The following PLEKHF2 variants were observed in gnomAD, a reference collection of about 807,000 sequenced individuals.
The protein encoded by PLEKHF2 is pleckstrin homology and FYVE domain containing 2.
Under a neutral mutation model 14.7 loss-of-function variants are expected in PLEKHF2, and 4 were observed. The ratio of observed to expected loss-of-function variants is 0.27; its 90% CI spans 0.13 to 0.62. The LOEUF is 0.62. PLEKHF2 is among the 20% of genes least tolerant of loss of function. PLEKHF2 has a pLI of 0.85. For synonymous variants in PLEKHF2, 90 were observed against 103.5 expected (o/e 0.87, Z 0.79); for missense variants, 201 against 307.7 (o/e 0.65, Z 2.60).
chr8:95,139,208 A>G (rs1456121315), intron 1 of PLEKHF2, among the ~76,000 whole-genome samples: 1 of 152,118 alleles, frequency 6.6e-6, no homozygotes, highest in African/African-American at 2.4e-5. Context: ...AGCCCTTTGC[A>G]TATTACAAAT....
In PLEKHF2 at chr8:95,140,749, C is replaced by T. The variant is rs1307862956; in HGVS notation, c.-15+6719C>T. Among the ~76,000 whole-genome samples, 4 of 152,300 alleles carry T rather than the reference C, an allele frequency of 2.6e-5. No homozygotes were observed. In the East Asian group the frequency reaches 7.7e-4, roughly 29 times the overall value. ...TAGATGTTCTACCTGGTCAAAATTACATCCCACCTCAACTCCTTGGCCCTG... is the reference window on the plus strand; with the variant it reads ...TAGATGTTCTACCTGGTCAAAATTATATCCCACCTCAACTCCTTGGCCCTG... On this transcript the variant is annotated intron_variant, in intron 1 of 1. Transcript: ENST00000315367.
At position 95,154,339 on chromosome 8, in the gene PLEKHF2, G is replaced by A. The variant is rs755249384; in HGVS notation, c.295G>A (p.Gly99Arg). 6.2e-7 allele frequency: 1 copy of A among 1,614,042 alleles called. No homozygotes were observed. Among genetic ancestry groups the A allele is most frequent in the South Asian group, 1.1e-5 (1 of 91,078 alleles). ...SIKDEGDLRN[G>R]WLIKTPTKSF... ...CAAAGATGAGGGAGACTTAAGGAAT[G>A]GATGGCTAATCAAGACACCAACTAA... The change falls in exon 2 of 2, where the codon GGA (glycine) becomes AGA (arginine). Residue 99 changes from glycine to arginine, a missense_variant. Transcript: ENST00000315367. The surrounding 1 kb of genome is among the most constrained non-coding windows in gnomAD (Gnocchi z 5.6).
chr8:95,153,346 G>C (rs755006358), intron 1 of PLEKHF2, among the ~76,000 whole-genome samples: 3 of 152,190 alleles, frequency 2.0e-5, no homozygotes, highest in Non-Finnish European at 4.4e-5. Context: ...ACTACAAGTA[G>C]TAGAGTGTTC....
intron 1 of PLEKHF2, among the ~76,000 whole-genome samples, chr8:95,134,689 T>C (rs1587301197): frequency 6.6e-6 from 1 of 152,330 alleles, no homozygotes; most frequent in East Asian, 1.9e-4. Context: ...CCGGTGTTGC[T>C]TGAATAGCCT....
intron 1 of PLEKHF2, among the ~76,000 whole-genome samples, chr8:95,144,449 T>C (rs1303616219): frequency 6.6e-6 from 1 of 152,250 alleles, no homozygotes; most frequent in African/African-American, 2.4e-5. Flanking sequence ...TTACCATAGA[T>C]ATGTAATTTT....
In PLEKHF2 at chr8:95,147,729, G is replaced by A. The variant is rs942686159; in HGVS notation, c.-14-6302G>A. Reference sequence around the variant, plus strand: ...AAGGATGATGCAATGGTGAAATATAGCATCACTACTGTATCATTTCTCAAA... The same window carrying A: ...AAGGATGATGCAATGGTGAAATATAACATCACTACTGTATCATTTCTCAAA... On this transcript the variant is annotated intron_variant, in intron 1 of 1. Coordinates refer to ENST00000315367, the MANE Select transcript of PLEKHF2 (RefSeq NM_024613.4). Among the ~76,000 whole-genome samples the A allele has an allele frequency of 7.2e-5, 11 of 152,086 alleles. 2 individuals are homozygous for A. Among genetic ancestry groups the A allele is most frequent in the East Asian group, 1.9e-4 (1 of 5,188 alleles).
Position 95,154,432 on chromosome 8 carries a change from G to GT in PLEKHF2, c.390dup (p.Thr131TyrfsTer2). ...ATGGATGAATCATATAAATAAATGT[G>GT]TTACTGATTTACTCTCCAAAAGTGG... On this transcript the variant is annotated frameshift_variant, in exon 2 of 2. Coordinates refer to ENST00000315367, the MANE Select transcript of PLEKHF2 (RefSeq NM_024613.4). LOFTEE classifies it high-confidence loss of function. This position sits in a 1 kb window ranked among gnomAD's most constrained non-coding sequence, Gnocchi z 5.6. The GT allele has an allele frequency of 6.2e-7, 1 of 1,614,020 alleles. No individual in the cohort carries two copies. Among genetic ancestry groups the GT allele is most frequent in the Non-Finnish European group, 8.5e-7 (1 of 1,179,920 alleles).
chr8:95,156,076 CTT>C lies in PLEKHF2; in HGVS notation c.*1284_*1285del, dbSNP rs777036397. ...TTATTTTGAGAAGTAATTGTTCACT[CTT>C]TACTTTTGAGGCAGCCATTAGGTTG... is the stretch of plus-strand genomic sequence containing the variant. On this transcript the variant is annotated 3_prime_UTR_variant, in exon 2 of 2. Transcript: ENST00000315367. 3 of 166,934 alleles carry C rather than the reference CTT, an allele frequency of 1.8e-5. No homozygotes were observed. The highest frequency in any genetic ancestry group is 6.6e-5 in the Admixed American group (1 of 15,262). 10.3% of individuals were successfully genotyped at this position (166,934 alleles called of 1,614,324 possible).
intron 1 of PLEKHF2, among the ~76,000 whole-genome samples, chr8:95,141,692 AT>A (rs1810441656): frequency 6.9e-6 from 1 of 143,926 alleles, no homozygotes; most frequent in African/African-American, 2.7e-5. Flanking sequence ...CACTTGACTA[AT>A]TTTTGTGTTT....
intron 1 of PLEKHF2, among the ~76,000 whole-genome samples, chr8:95,151,705 C>A (rs1810566941): frequency 6.6e-6 from 1 of 151,958 alleles, no homozygotes; most frequent in South Asian, 2.1e-4. Context: ...TCTGTTGTCA[C>A]ATACTCAAGT....
At chr8:95,146,723 G>A (rs1477698549) in intron 1 of PLEKHF2, among the ~76,000 whole-genome samples, 1 of 151,706 alleles carries the variant, frequency 6.6e-6, no homozygotes, top group Non-Finnish European at 1.5e-5. Flanking sequence ...TATAAAAGCT[G>A]GCTTTATAAA....
intron 1 of PLEKHF2, among the ~76,000 whole-genome samples, chr8:95,141,297 C>A (rs1464012139): frequency 1.3e-5 from 2 of 152,064 alleles, no homozygotes; most frequent in East Asian, 3.9e-4. Flanking sequence ...TCAACTTTCC[C>A]CTCTATTTTT....
At chr8:95,140,732 C>T (rs1587304619) in intron 1 of PLEKHF2, among the ~76,000 whole-genome samples, 1 of 152,320 alleles carries the variant, frequency 6.6e-6, no homozygotes, top group African/African-American at 2.4e-5. Context: ...CCTAGATGTT[C>T]TACCTGGTCA....
intron 1 of PLEKHF2, among the ~76,000 whole-genome samples, chr8:95,138,960 A>T (rs141432293): frequency 1.3e-5 from 2 of 152,226 alleles, no homozygotes; most frequent in Admixed American, 1.3e-4. Context: ...AAGCATTTCT[A>T]TTGCCAAAAT....
At chr8:95,148,408 TAAAC>T (rs1326620374) in intron 1 of PLEKHF2, among the ~76,000 whole-genome samples, 1 of 152,140 alleles carries the variant, frequency 6.6e-6, no homozygotes, top group South Asian at 2.1e-4. Context: ...TCTAGACAAA[TAAAC>T]AAGATTAGTT....
chr8:95,144,749 C>A (rs1243318388), intron 1 of PLEKHF2, among the ~76,000 whole-genome samples: 1 of 151,856 alleles, frequency 6.6e-6, no homozygotes, highest in Non-Finnish European at 1.5e-5. Flanking sequence ...CACCTGTAAT[C>A]CCAGCTACTC....
chr8:95,148,458 A>G lies in PLEKHF2; in HGVS notation c.-14-5573A>G, dbSNP rs12334340. On this transcript the variant is annotated intron_variant, in intron 1 of 1. Transcript: ENST00000315367. ...TAAGAAAGTTGAGTAATGGTCTAGA[A>G]TACAGCTACCAGATACAAGGTACTG... is the stretch of plus-strand genomic sequence containing the variant. Among the ~76,000 whole-genome samples the G allele has an allele frequency of 3.2e-3, 490 of 152,198 alleles. 2 individuals are homozygous for G. Among genetic ancestry groups the G allele is most frequent in the African/African-American group, 0.011 (462 of 41,568 alleles).
intron 1 of PLEKHF2, among the ~76,000 whole-genome samples, chr8:95,144,785 GC>G (rs1810477406): frequency 6.6e-6 from 1 of 150,702 alleles, no homozygotes; most frequent in African/African-American, 2.4e-5. Flanking sequence ...AATTGCTTGA[GC>G]TCGGGAGGCA....
At chr8:95,135,405 C>CTTCCTT (rs938025034) in intron 1 of PLEKHF2, among the ~76,000 whole-genome samples, 1 of 151,748 alleles carries the variant, frequency 6.6e-6, no homozygotes, top group African/African-American at 2.4e-5. Context: ...TTTTTCCTTC[C>CTTCCTT]TTCCTTTTCC....
Sources: allele counts gnomAD v4.1 joint callset (sites outside exome capture counted in the v4.1 genomes callset), GRCh38; gene constraint gnomAD v4.1.1; non-coding constraint Gnocchi (gnomAD v3.1); transcripts MANE v1.5; gene names NCBI Gene and HGNC (gene_info 2026-07-23, HGNC 2026-07-21).